MFRP: variants seen among roughly 807,000 people sequenced by gnomAD.
MFRP encodes the protein membrane frizzled-related protein, also known as C1q and TNF related 5.
A neutral mutation model predicts 65.8 loss-of-function variants in MFRP; 74 were observed. That is an observed-to-expected ratio of 1.12 (90% confidence interval 0.93 to 1.36). MFRP has a LOEUF of 1.36. Among genes scored for constraint, MFRP ranks in the 40% most tolerant of loss-of-function variants. The pLI, the probability that MFRP is intolerant of heterozygous loss-of-function variation, is 0.00. For synonymous variants in MFRP, 336 were observed against 288.3 expected, an observed-to-expected ratio of 1.17 and a Z score of -1.68; for missense variants, 838 against 736.0, an observed-to-expected ratio of 1.14 and a Z score of -1.60.
Position 119,345,411 on chromosome 11 carries a change from G to A in MFRP, c.641+9C>T, listed in dbSNP as rs189840088. On this transcript the variant is annotated intron_variant, in intron 5 of 14. Coordinates refer to ENST00000619721, the MANE Select transcript of MFRP (RefSeq NM_031433.4). ...CACGGTGGGATGTCCTGGGGACAGAGGGACCTACCTGAGGAGGGGGCCTTC... is the reference window on the plus strand; with the variant it reads ...CACGGTGGGATGTCCTGGGGACAGAAGGACCTACCTGAGGAGGGGGCCTTC... 6,607 of 1,613,496 alleles carry A rather than the reference G, an allele frequency of 4.1e-3. 19 individuals are homozygous for A. The highest frequency in any genetic ancestry group is 4.4e-3 in the Non-Finnish European group (5,181 of 1,179,722).
chr11:119,340,197 C>T lies in MFRP; in HGVS notation c.*1097G>A. Reference sequence around the variant, plus strand: ...GTGCCTTCTTACCCGGCCTCCCGCCCTCGCCTTTCTCTCCCGGAGCCCCGG... The same window carrying T: ...GTGCCTTCTTACCCGGCCTCCCGCCTTCGCCTTTCTCTCCCGGAGCCCCGG... On this transcript the variant is annotated 3_prime_UTR_variant, in exon 14 of 15. Transcript: ENST00000619721. 6.6e-7 allele frequency: 1 copy of T among 1,516,290 alleles called. No homozygotes were observed. Among genetic ancestry groups the T allele is most frequent in the Non-Finnish European group, 8.8e-7 (1 of 1,134,904 alleles). 93.9% of individuals were successfully genotyped at this position (1,516,290 alleles called of 1,614,324 possible).
Position 119,341,322 on chromosome 11 carries a change from A to C in MFRP, c.*226T>G, listed in dbSNP as rs1049419572. On this transcript the variant is annotated 3_prime_UTR_variant, in exon 13 of 15. Transcript: ENST00000619721. ...AGTGGTCTCGATTGTCCGGTGGCAC[A>C]GTGTGGGGCCAGTCAGCAGCCTGGG... 1.4e-5 allele frequency: 8 copies of C among 579,818 alleles called. No homozygotes were observed. Among genetic ancestry groups the C allele is most frequent in the Non-Finnish European group, 2.1e-5 (7 of 325,738 alleles). 35.9% of individuals were successfully genotyped at this position (579,818 alleles called of 1,614,324 possible).
Position 119,341,322 on chromosome 11 carries a change from A to G in MFRP, c.*226T>C, listed in dbSNP as rs1049419572. On this transcript the variant is annotated 3_prime_UTR_variant, in exon 13 of 15. Coordinates refer to ENST00000619721, the MANE Select transcript of MFRP (RefSeq NM_031433.4). Reference sequence around the variant, plus strand: ...AGTGGTCTCGATTGTCCGGTGGCACAGTGTGGGGCCAGTCAGCAGCCTGGG... The same window carrying G: ...AGTGGTCTCGATTGTCCGGTGGCACGGTGTGGGGCCAGTCAGCAGCCTGGG... 5.2e-6 allele frequency: 3 copies of G among 579,936 alleles called. No homozygotes were observed. The highest frequency in any genetic ancestry group is 3.0e-5 in the Admixed American group (1 of 33,194). The allele number at this position is 579,936 out of a possible 1,614,324, so 35.9% of individuals were successfully genotyped here. A position where few individuals can be genotyped will look rare whatever the true frequency, so the allele number is the denominator to read the frequency against.
chr11:119,340,498 C>A, intron 13 of MFRP, 58 bp from the exon 14 acceptor site: 1 of 1,311,356 alleles, frequency 7.6e-7, no homozygotes, highest in Non-Finnish European at 1.1e-6. Flanking sequence ...GCCTCTCTCC[C>A]CACCCCGGCG....
Position 119,339,330 on chromosome 11 carries a change from A to G in MFRP, c.*1629T>C, listed in dbSNP as rs142208418. ...AGCATGAGCTCACTTTGCAGTGGGC[A>G]CTAAGCAAAGACTGGGGAGCTGTGC... is the stretch of plus-strand genomic sequence containing the variant. On this transcript the variant is annotated 3_prime_UTR_variant, in exon 15 of 15. Coordinates refer to ENST00000619721, the MANE Select transcript of MFRP (RefSeq NM_031433.4). The surrounding 1 kb of genome is among the most constrained non-coding windows in gnomAD (Gnocchi z 5.4). 489 of 1,612,386 alleles carry G rather than the reference A, an allele frequency of 3.0e-4. 1 individual carries two copies. Among genetic ancestry groups the G allele is most frequent in the Non-Finnish European group, 3.9e-4 (456 of 1,178,960 alleles).
chr11:119,345,857 T>G lies in MFRP; in HGVS notation c.343A>C (p.Thr115Pro), dbSNP rs778211301. The G allele has an allele frequency of 8.1e-6, 13 of 1,613,084 alleles. No individual in the cohort carries two copies. Among genetic ancestry groups the G allele is most frequent in the East Asian group, 6.7e-5 (3 of 44,852 alleles). ...TGAGAGGTGGTGATGGTGGGGGTGG[T>G]GGTGGTCGTGGTAAGGCCTCCGGCA... ...LPAGGLTTTTTTPTITTSQAA... is the reference protein window; with the variant it reads ...LPAGGLTTTTPTPTITTSQAA... The change falls in exon 4 of 15, where the codon ACC becomes CCC. Residue 115 changes from threonine (T) to proline (P), a missense_variant. Transcript: ENST00000619721.
At chr11:119,343,693 C>T (rs992892799) in intron 9 of MFRP, 123 bp downstream of exon 9, 4 of 1,248,868 alleles carry the variant, frequency 3.2e-6, no homozygotes, top group African/African-American at 1.5e-5. Flanking sequence ...GTGAAGAGAC[C>T]CCCGGCCTGG....
rs1950529608 is a variant in MFRP, at chr11:119,343,915, T to G, written c.1025A>C (p.Gln342Pro). The G allele has an allele frequency of 1.9e-6, 3 of 1,613,658 alleles. No individual in the cohort carries two copies. The highest frequency in any genetic ancestry group is 2.5e-6 in the Non-Finnish European group (3 of 1,179,936). The change falls in exon 9 of 15, where the codon CAG becomes CCG. Residue 342 changes from glutamine to proline, a missense_variant. Gln to Pro is a moderately conservative substitution (Grantham distance 76). Transcript: ENST00000619721. Reference sequence around the variant, plus strand: ...AGCCTCCAGGCTGAAGTTGTGGAACTGTAGTTCTATGCTGTGTCCGGCAGG... The same window carrying G: ...AGCCTCCAGGCTGAAGTTGTGGAACGGTAGTTCTATGCTGTGTCCGGCAGG... ...SVPAGHSIEL[Q>P]FHNFSLEAQD... is the part of the protein sequence containing the mutation.
rs1254978930 is a variant in MFRP, at chr11:119,346,266, G to A, written c.157+6C>T. 3 of 1,610,280 alleles carry A rather than the reference G, an allele frequency of 1.9e-6. No individual in the cohort carries two copies. Among genetic ancestry groups the A allele is most frequent in the Non-Finnish European group, 2.5e-6 (3 of 1,178,100 alleles). On this transcript the variant is annotated splice_donor_region_variant and intron_variant, in intron 2 of 14. Transcript: ENST00000619721. ...CCTCCCCCAGGTCACCCCCTGGGAT[G>A]GTTACCATGCCAGGGAGCTGGGACG...
chr11:119,344,165 C>T (rs2135371137), intron 8 of MFRP, 150 bp downstream of exon 8: 1 of 955,676 alleles, frequency 1.0e-6, no homozygotes, highest in Non-Finnish European at 1.7e-6. Context: ...ACAGCAGGCA[C>T]TTAATAATAT....
chr11:119,345,024 G>C lies in MFRP; in HGVS notation c.642-20C>G, dbSNP rs570176649. On this transcript the variant is annotated intron_variant, in intron 5 of 14. Coordinates refer to ENST00000619721, the MANE Select transcript of MFRP (RefSeq NM_031433.4). ...CAAACCCTGCAAGAAGCCAGGTTGG[G>C]GGTGAGGGAGGCTCCAAGAGCAGGG... 1.3e-5 allele frequency: 20 copies of C among 1,596,270 alleles called. No individual in the cohort carries two copies. Among genetic ancestry groups the C allele is most frequent in the Non-Finnish European group, 1.7e-5 (20 of 1,173,076 alleles).
At chr11:119,346,014 G>A (rs747225365) in intron 3 of MFRP, 32 bp downstream of exon 3, 2 of 1,612,834 alleles carry the variant, frequency 1.2e-6, no homozygotes, top group Non-Finnish European at 1.7e-6. Flanking sequence ...TCATTCCAAA[G>A]CCCTCGTTTC....
intron 5 of MFRP, 68 bp from the exon 6 acceptor site, chr11:119,345,072 G>A (rs1442239758): frequency 1.9e-6 from 3 of 1,554,908 alleles, no homozygotes; most frequent in Admixed American, 2.0e-5. Context: ...GAGCTTGCCT[G>A]GGCCTTGCAG....
rs1434649899 is a variant in MFRP at position 119,339,910 on chromosome 11, G to A, written c.*1111-62C>T. ...GCGGCTCAGCCCGCAGCGGGGCGGC[G>A]ACTCTAAGGTCACCGTACCCCTCCC... is the stretch of plus-strand genomic sequence containing the variant. On this transcript the variant is annotated intron_variant, in intron 14 of 14. Coordinates refer to ENST00000619721, the MANE Select transcript of MFRP (RefSeq NM_031433.4). This position sits in a 1 kb window ranked among gnomAD's most constrained non-coding sequence, Gnocchi z 5.4. The A allele has an allele frequency of 2.8e-6, 4 of 1,424,242 alleles. No homozygotes were observed. The highest frequency in any genetic ancestry group is 3.0e-5 in the South Asian group (2 of 67,006). 88.2% of individuals were successfully genotyped at this position (1,424,242 alleles called of 1,614,324 possible).
In MFRP at chr11:119,345,474, G is replaced by C. The variant is rs752088544; in HGVS notation, c.587C>G (p.Ser196Cys). The change falls in exon 5 of 15, where the codon TCT (serine) becomes TGT (cysteine). Residue 196 changes from serine (S) to cysteine (C), a missense_variant. By Grantham distance (112) the Ser-to-Cys change is moderately radical. Transcript: ENST00000619721. ...IEALSIESVA[S>C]CLFDRLELSP... Reference sequence around the variant, plus strand: ...GAGTTCCAAGCGATCAAAAAGGCAAGAGGCCACACTCTCTATGCTGAGGGC... The same window carrying C: ...GAGTTCCAAGCGATCAAAAAGGCAACAGGCCACACTCTCTATGCTGAGGGC... The C allele has an allele frequency of 2.5e-6, 4 of 1,614,098 alleles. No homozygotes were observed. The Admixed American group carries it at 6.7e-5, about 27-fold the overall frequency.
chr11:119,342,786 A>C, intron 10 of MFRP, 59 bp from the exon 11 acceptor site: 1 of 1,612,996 alleles, frequency 6.2e-7, no homozygotes, highest in Non-Finnish European at 8.5e-7. Flanking sequence ...CAGTACCCCC[A>C]GAGTGTCCTG....
Position 119,339,779 on chromosome 11 carries a change from G to A in MFRP, c.*1180C>T. 1 of 1,541,944 alleles carries A rather than the reference G, an allele frequency of 6.5e-7. No homozygotes were observed. The highest frequency in any genetic ancestry group is 8.7e-7 in the Non-Finnish European group (1 of 1,150,840). On this transcript the variant is annotated 3_prime_UTR_variant, in exon 15 of 15. Coordinates refer to ENST00000619721, the MANE Select transcript of MFRP (RefSeq NM_031433.4). The surrounding 1 kb of genome is among the most constrained non-coding windows in gnomAD (Gnocchi z 5.4). ...TCGCGGAGGCACCGAGCACTCCCCG[G>A]CAGGCCCGGTGGGCCCCGCGGGTCC...
chr11:119,341,324 T>C lies in MFRP; in HGVS notation c.*224A>G. ...TGGTCTCGATTGTCCGGTGGCACAG[T>C]GTGGGGCCAGTCAGCAGCCTGGGAC... On this transcript the variant is annotated 3_prime_UTR_variant, in exon 13 of 15. Transcript: ENST00000619721. The C allele has an allele frequency of 1.7e-6, 1 of 587,540 alleles. No individual in the cohort carries two copies. Among genetic ancestry groups the C allele is most frequent in the Non-Finnish European group, 3.0e-6 (1 of 329,680 alleles). The allele number at this position is 587,540 out of a possible 1,614,324, so 36.4% of individuals were successfully genotyped here.
chr11:119,340,564 G>A, intron 13 of MFRP, 124 bp from the exon 14 acceptor site: 2 of 702,316 alleles, frequency 2.8e-6, no homozygotes, highest in Non-Finnish European at 4.6e-6. Context: ...CGCTCGCAGG[G>A]CCGAGCATCC....
Sources: gnomAD v4.1 joint callset for allele counts on GRCh38, gnomAD v4.1.1 for gene constraint, Gnocchi (gnomAD v3.1) non-coding constraint, MANE v1.5 for transcripts, NCBI Gene and HGNC (gene_info 2026-07-23, HGNC 2026-07-21) for gene names.